UBR2: variants seen among roughly 807,000 people sequenced by gnomAD.
The protein encoded by UBR2 is E3 ubiquitin-protein ligase UBR2.
UBR2 carries 92 observed loss-of-function variants against 247.9 expected under a neutral mutation model. That is an observed-to-expected ratio of 0.37 (90% confidence interval 0.31 to 0.44). UBR2 has a LOEUF of 0.44. Among genes scored for constraint, UBR2 ranks in the 20% least tolerant of loss-of-function variants. UBR2 has a pLI of 1.00. For synonymous variants in UBR2, 672 were observed against 693.5 expected (o/e 0.97, Z 0.49); for missense variants, 1,613 against 2,112.6 (o/e 0.76, Z 4.64).
At chr6:42,690,346 C>T (rs1799684604) in intron 46 of UBR2, among the ~76,000 whole-genome samples, 1 of 152,208 alleles carries the variant, frequency 6.6e-6, no homozygotes, top group Non-Finnish European at 1.5e-5. Flanking sequence ...TGCCCATATG[C>T]CACCCAGTGC....
At chr6:42,662,962 AC>A (rs1797904548) in intron 31 of UBR2, among the ~76,000 whole-genome samples, 1 of 152,018 alleles carries the variant, frequency 6.6e-6, no homozygotes, top group East Asian at 1.9e-4. Flanking sequence ...CAAAAAAAAA[AC>A]AAATAGCCAC....
chr6:42,616,168 TTAACATC>T, intron 10 of UBR2, 78 bp downstream of exon 10: 1 of 902,458 alleles, frequency 1.1e-6, no homozygotes, highest in Non-Finnish European at 1.7e-6. Flanking sequence ...CTTCAAAAAA[TTAACATC>T]TAATAGTAAT....
intron 13 of UBR2, chr6:42,634,385 G>T: frequency 4.9e-6 from 1 of 203,548 alleles, no homozygotes; most frequent in Non-Finnish European, 1.1e-5. Flanking sequence ...TAGCCACCTG[G>T]CTTTCTTAAG....
chr6:42,621,009 G>A (rs1242290538), intron 11 of UBR2, among the ~76,000 whole-genome samples: 20 of 152,024 alleles, frequency 1.3e-4, no homozygotes, highest in Admixed American at 1.3e-3. Flanking sequence ...TTTTAGTAGA[G>A]ACGGGGTTTC....
At chr6:42,655,593 A>G in intron 25 of UBR2, 28 bp from the exon 26 acceptor site, 1 of 1,382,436 alleles carries the variant, frequency 7.2e-7, no homozygotes, top group Non-Finnish European at 9.8e-7. Context: ...TTAAATTTTT[A>G]CTAAAAGTTA....
chr6:42,680,031 A>G (rs904963247), intron 42 of UBR2, among the ~76,000 whole-genome samples, 199 bp downstream of exon 42: 1 of 152,052 alleles, frequency 6.6e-6, no homozygotes, highest in Non-Finnish European at 1.5e-5. Flanking sequence ...TTTGAGACTG[A>G]GTCTTGCTCT....
chr6:42,605,845 A>G lies in UBR2; in HGVS notation c.787A>G (p.Thr263Ala), dbSNP rs1231861635. The G allele has an allele frequency of 1.9e-6, 3 of 1,607,938 alleles. No individual in the cohort carries two copies. The highest frequency in any genetic ancestry group is 2.2e-5 in the East Asian group (1 of 44,798). The change falls in exon 6 of 47, where the codon ACA becomes GCA. Residue 263 changes from threonine (T) to alanine (A), a missense_variant. Around this residue, in one of 3 missense-constraint regions of UBR2, gnomAD observed 1,524 missense variants for 1,967.3 expected, o/e 0.77. Coordinates refer to ENST00000372901, the MANE Select transcript of UBR2 (RefSeq NM_001363705.2). Reference protein sequence around the residue: ...TQKEAIGFATTVDRDGRRSVR... With the variant: ...TQKEAIGFATAVDRDGRRSVR... ...AAAAGAAGCTATTGGTTTTGCAACT[A>G]CAGTAGATCGAGATGTAAGTAATTT...
chr6:42,615,481 T>G (rs1287166580), intron 9 of UBR2, among the ~76,000 whole-genome samples: 1 of 152,168 alleles, frequency 6.6e-6, no homozygotes, highest in Non-Finnish European at 1.5e-5. Context: ...AGGATCTCAC[T>G]CTGTTGCCCA....
chr6:42,671,126 G>A (rs1023514930), intron 36 of UBR2, among the ~76,000 whole-genome samples: 8 of 150,898 alleles, frequency 5.3e-5, no homozygotes, highest in East Asian at 1.9e-4. Flanking sequence ...CAGAGGTTGC[G>A]GTGAGCTGAG....
At chr6:42,633,986 C>T (rs1190952070) in intron 13 of UBR2, among the ~76,000 whole-genome samples, 1 of 152,166 alleles carries the variant, frequency 6.6e-6, no homozygotes, top group African/African-American at 2.4e-5. Flanking sequence ...CCACCTCGGC[C>T]TCCCAATGTG....
chr6:42,668,676 A>G (rs1204886388), intron 34 of UBR2, among the ~76,000 whole-genome samples: 1 of 152,146 alleles, frequency 6.6e-6, no homozygotes, highest in Non-Finnish European at 1.5e-5. Flanking sequence ...TCCTGACCTC[A>G]GATGATCCAC....
At chr6:42,677,726 A>C (rs1371786287) in intron 40 of UBR2, among the ~76,000 whole-genome samples, 1 of 152,190 alleles carries the variant, frequency 6.6e-6, no homozygotes, top group Non-Finnish European at 1.5e-5. Context: ...GTGAGCCATC[A>C]CACCACTGCA....
Position 42,650,304 on chromosome 6 carries a change from G to A in UBR2, c.2483G>A (p.Arg828Gln), listed in dbSNP as rs774758430. 2.3e-5 allele frequency: 37 copies of A among 1,613,818 alleles called. No homozygotes were observed. Among genetic ancestry groups the A allele is most frequent in the East Asian group, 6.7e-5 (3 of 44,878 alleles). ...AHFKKPGLTGRGMYELKPECA... is the reference protein window; with the variant it reads ...AHFKKPGLTGQGMYELKPECA... The stretch of plus-strand genomic sequence containing the variant: ...CACAGGAAACCTGGATTAACAGGAC[G>A]AGGCATGTATGAACTGAAACCAGAA... The change falls in exon 23 of 47, where the codon CGA (arginine) becomes CAA (glutamine). Residue 828 changes from arginine (R) to glutamine (Q), a missense_variant. Arg to Gln is a conservative substitution (Grantham distance 43, BLOSUM62 1). Around this residue, in one of 3 missense-constraint regions of UBR2, gnomAD observed 1,524 missense variants for 1,967.3 expected, o/e 0.77. Transcript: ENST00000372901.
intron 8 of UBR2, among the ~76,000 whole-genome samples, chr6:42,613,250 C>G (rs186641776): frequency 3.9e-5 from 6 of 152,228 alleles, no homozygotes; most frequent in Admixed American, 3.9e-4. Context: ...AGCTGTTATG[C>G]TATTCTTCAG....
rs1194148203 is a variant in UBR2 at position 42,619,412 on chromosome 6, CATATATATATATATATATATATAT to C, written c.1281+1924_1281+1947del. ...AACTTCATAGTTCTCTCGTTATGAA[CATATATATATATATATATATATAT>C]ATATATATATATATATATTTTTTTT... is the stretch of plus-strand genomic sequence containing the variant. On this transcript the variant is annotated intron_variant, in intron 11 of 46. Transcript: ENST00000372901. 6 of 28,428 alleles carry C rather than the reference CATATATATATATATATATATATAT, an allele frequency of 2.1e-4. 1 individual carries two copies. The highest frequency in any genetic ancestry group is 2.0e-3 in the South Asian group (1 of 502). 1.8% of individuals were successfully genotyped at this position (28,428 alleles called of 1,614,324 possible). A position where few individuals can be genotyped will look rare whatever the true frequency, so the allele number is the denominator to read the frequency against.
At chr6:42,649,195 A>G (rs9471891) in intron 22 of UBR2, among the ~76,000 whole-genome samples, 37,457 of 152,000 alleles carry the variant, frequency 0.25, 5,026 homozygotes, top group East Asian at 0.46. Context: ...TTTAGTAGAC[A>G]TGGGGTTTCA....
chr6:42,651,665 A>G (rs1464565006), intron 23 of UBR2, among the ~76,000 whole-genome samples: 1 of 151,774 alleles, frequency 6.6e-6, no homozygotes. Context: ...CAATTTTTGT[A>G]TTTTTAGTAG....
chr6:42,662,177 A>G lies in UBR2; in HGVS notation c.3443-7A>G, dbSNP rs2151976187. ...TTTGTTTTGTTTTGTTTTGTTTTGT[A>G]ATGCAGAAAAATATGATCCATTATT... is the stretch of plus-strand genomic sequence containing the variant. On this transcript the variant is annotated splice_region_variant and splice_polypyrimidine_tract_variant and intron_variant, in intron 30 of 46. Transcript: ENST00000372901. The G allele has an allele frequency of 6.4e-7, 1 of 1,572,004 alleles. No individual in the cohort carries two copies. Among genetic ancestry groups the G allele is most frequent in the Non-Finnish European group, 8.7e-7 (1 of 1,151,350 alleles).
intron 2 of UBR2, among the ~76,000 whole-genome samples, chr6:42,583,290 C>G (rs1330222531): frequency 6.6e-6 from 1 of 152,094 alleles, no homozygotes; most frequent in Non-Finnish European, 1.5e-5. Flanking sequence ...TCCTGTTGCC[C>G]AGGCTGGAGT....
Sources: allele counts gnomAD v4.1 joint callset (sites outside exome capture counted in the v4.1 genomes callset), GRCh38; gene constraint gnomAD v4.1.1; regional missense constraint gnomAD v4.1.1; transcripts MANE v1.5; gene names NCBI Gene and HGNC (gene_info 2026-07-23, HGNC 2026-07-21).